NEK1: variants seen among roughly 807,000 people sequenced by gnomAD.
The protein encoded by NEK1 is serine/threonine-protein kinase Nek1.
Under a neutral mutation model 182.1 loss-of-function variants are expected in NEK1, and 137 were observed. The ratio of observed to expected loss-of-function variants is 0.75; its 90% confidence interval spans 0.65 to 0.87. The LOEUF (loss-of-function observed/expected upper bound fraction) is 0.87, where lower values mean the gene tolerates loss of function less well. Among genes scored for constraint, NEK1 ranks in the 40% least tolerant of loss-of-function variants. The probability of loss-of-function intolerance (pLI) is 0.00; values close to 1 mark genes in which losing one functional copy is unlikely to be tolerated. For missense variants in NEK1, 1,391 were observed against 1,494.4 expected, an observed-to-expected ratio of 0.93 and a Z score of 1.14; for synonymous variants, 513 against 492.2, an observed-to-expected ratio of 1.04 and a Z score of -0.56.
intron 31 of NEK1, among the ~76,000 whole-genome samples, chr4:169,420,304 G>A (rs975575643): frequency 2.6e-5 from 4 of 152,110 alleles, no homozygotes; most frequent in East Asian, 3.9e-4. Flanking sequence ...GCCTGAGGCC[G>A]TTTTACAGTT....
At chr4:169,493,824 C>A (rs1481772885) in intron 23 of NEK1, among the ~76,000 whole-genome samples, 2 of 152,112 alleles carry the variant, frequency 1.3e-5, no homozygotes, top group Admixed American at 6.5e-5. Flanking sequence ...TACTGGCATT[C>A]CTGAGAGAGA....
chr4:169,611,069 GA>G (rs1203913848), intron 2 of NEK1, among the ~76,000 whole-genome samples: 1 of 152,122 alleles, frequency 6.6e-6, no homozygotes, highest in African/African-American at 2.4e-5. Flanking sequence ...TTTTGTAGTA[GA>G]AACTACCAAC....
chr4:169,609,032 G>T (rs1771863314), intron 2 of NEK1, among the ~76,000 whole-genome samples: 1 of 142,442 alleles, frequency 7.0e-6, no homozygotes, highest in Non-Finnish European at 1.5e-5. Flanking sequence ...CTCCACTCCA[G>T]CCTGGGTGAC....
intron 31 of NEK1, among the ~76,000 whole-genome samples, chr4:169,407,498 T>C (rs1447453637): frequency 6.6e-6 from 1 of 152,130 alleles, no homozygotes; most frequent in Non-Finnish European, 1.5e-5. Flanking sequence ...GAGCATAATT[T>C]GCAGGAACAG....
chr4:169,510,524 T>G (rs981685121), intron 19 of NEK1, among the ~76,000 whole-genome samples: 1 of 152,112 alleles, frequency 6.6e-6, no homozygotes, highest in Admixed American at 6.6e-5. Context: ...GCCTCTCTTC[T>G]TTTGACTCTT....
At chr4:169,406,503 GT>G in intron 32 of NEK1, 92 bp downstream of exon 32, 1 of 842,482 alleles carries the variant, frequency 1.2e-6, no homozygotes, top group African/African-American at 1.9e-5. Flanking sequence ...AGGTTAATGA[GT>G]TAAAAAAAAG....
chr4:169,497,613 C>T (rs1175014503), intron 23 of NEK1, among the ~76,000 whole-genome samples: 1 of 152,138 alleles, frequency 6.6e-6, no homozygotes, highest in Non-Finnish European at 1.5e-5. Flanking sequence ...TGTCTTTGTT[C>T]TCATTGGTTT....
At chr4:169,454,408 G>C (rs961003658) in intron 27 of NEK1, among the ~76,000 whole-genome samples, 5 of 152,062 alleles carry the variant, frequency 3.3e-5, no homozygotes, top group Non-Finnish European at 2.9e-5. Flanking sequence ...TACAGAATGG[G>C]AGAAAACTTC....
At chr4:169,432,401 C>T (rs552988657) in intron 29 of NEK1, among the ~76,000 whole-genome samples, 2 of 152,276 alleles carry the variant, frequency 1.3e-5, no homozygotes, top group Admixed American at 1.3e-4. Context: ...GATATATACA[C>T]ATACGAAAGT....
chr4:169,504,831 C>A (rs1489209962), intron 23 of NEK1, among the ~76,000 whole-genome samples: 2 of 151,942 alleles, frequency 1.3e-5, no homozygotes, highest in Non-Finnish European at 2.9e-5. Flanking sequence ...TGAATATAGT[C>A]AACAATAATT....
intron 26 of NEK1, among the ~76,000 whole-genome samples, chr4:169,472,809 G>A (rs1178309175): frequency 2.0e-5 from 3 of 151,922 alleles, no homozygotes; most frequent in Non-Finnish European, 4.4e-5. Flanking sequence ...GCTACATGAC[G>A]GAGCATAAAC....
intron 23 of NEK1, among the ~76,000 whole-genome samples, chr4:169,482,955 C>T (rs185735832): frequency 1.3e-5 from 2 of 152,156 alleles, no homozygotes; most frequent in African/African-American, 2.4e-5. Flanking sequence ...CTTTTAATTT[C>T]CTTCAGGAAC....
intron 19 of NEK1, among the ~76,000 whole-genome samples, chr4:169,527,871 A>G (rs1396074205): frequency 2.6e-5 from 4 of 152,158 alleles, no homozygotes; most frequent in Non-Finnish European, 4.4e-5. Context: ...CACACCAATG[A>G]AAAGATAGGA....
chr4:169,468,455 C>T (rs1419967108), intron 26 of NEK1, among the ~76,000 whole-genome samples: 1 of 152,028 alleles, frequency 6.6e-6, no homozygotes, highest in African/African-American at 2.4e-5. Flanking sequence ...GTAATGTGTG[C>T]ATTTCATTGC....
chr4:169,546,577 G>C (rs182202061), intron 18 of NEK1, among the ~76,000 whole-genome samples: 1 of 152,144 alleles, frequency 6.6e-6, no homozygotes, highest in Admixed American at 6.6e-5. Context: ...TGACAGTGGG[G>C]TGTTAAAGTC....
rs570913386 is a variant in NEK1 at position 169,407,450 on chromosome 4, C to CA, written c.3223-704dup. Among the ~76,000 whole-genome samples the CA allele has an allele frequency of 4.9e-4, 75 of 152,262 alleles. 1 individual carries two copies. Among genetic ancestry groups the CA allele is most frequent in the Admixed American group, 2.7e-3 (41 of 15,296 alleles). On this transcript the variant is annotated intron_variant, in intron 31 of 35. Coordinates refer to ENST00000507142, the MANE Select transcript of NEK1 (RefSeq NM_001199397.3). ...GTGAGTGGAACCTTTCTCACTAGAACAGAAGGCAGGAAGGACAAGCACTTT... is the reference window on the plus strand; with the variant it reads ...GTGAGTGGAACCTTTCTCACTAGAACAAGAAGGCAGGAAGGACAAGCACTTT...
chr4:169,588,503 C>A (rs1767891682), intron 8 of NEK1, 146 bp downstream of exon 8: 2 of 453,592 alleles, frequency 4.4e-6, no homozygotes, highest in Middle Eastern at 5.7e-4. Flanking sequence ...CAATTCCCCT[C>A]ACCATATATT....
At chr4:169,569,167 A>C (rs1764211474) in intron 12 of NEK1, among the ~76,000 whole-genome samples, 2 of 152,208 alleles carry the variant, frequency 1.3e-5, no homozygotes, top group South Asian at 4.1e-4. Context: ...AAATAACTTT[A>C]ATAAAGTCTC....
intron 24 of NEK1, among the ~76,000 whole-genome samples, chr4:169,479,116 T>C (rs531823921): frequency 1.3e-5 from 2 of 152,280 alleles, no homozygotes; most frequent in Admixed American, 1.3e-4. Context: ...AAAATGTTTA[T>C]AGTATTATTT....
Sources: gnomAD v4.1 joint callset for allele counts (sites outside exome capture counted in the v4.1 genomes callset) on GRCh38, gnomAD v4.1.1 for gene constraint, MANE v1.5 for transcripts, NCBI Gene and HGNC (gene_info 2026-07-23, HGNC 2026-07-21) for gene names.